TRMT11: variants seen among roughly 807,000 people sequenced by gnomAD.
The protein encoded by TRMT11 is tRNA methyltransferase 11, also known as tRNA (guanine(10)-N(2))-methyltransferase TRMT11.
In TRMT11, 53 loss-of-function variants were observed where a neutral mutation model predicts 62.8. The observed-to-expected ratio is 0.84, with a 90% CI of 0.68 to 1.06. TRMT11 has a LOEUF of 1.06. TRMT11 is among the 50% of genes least tolerant of loss of function. The probability of loss-of-function intolerance (pLI) is 0.00; values close to 1 mark genes in which losing one functional copy is unlikely to be tolerated. For missense variants in TRMT11, 556 were observed against 553.4 expected (o/e 1.00, Z -0.05); for synonymous variants, 188 against 190.3 (o/e 0.99, Z 0.10).
chr6:126,057,353 G>C (rs1433463348), intron 17 of TRMT11, among the ~76,000 whole-genome samples: 1 of 152,184 alleles, frequency 6.6e-6, no homozygotes, highest in Non-Finnish European at 1.5e-5. Flanking sequence ...CTCTGTATTA[G>C]GGAAAAGTCA....
intron 17 of TRMT11, among the ~76,000 whole-genome samples, chr6:126,108,271 T>C (rs1167429527): frequency 1.3e-5 from 2 of 152,236 alleles, no homozygotes; most frequent in Non-Finnish European, 2.9e-5. Flanking sequence ...GGGCATTTCT[T>C]ACTTCAGTCA....
chr6:126,014,175 G>A (rs1017406480), intron 11 of TRMT11, among the ~76,000 whole-genome samples: 1 of 152,076 alleles, frequency 6.6e-6, no homozygotes, highest in Non-Finnish European at 1.5e-5. Context: ...AGCTCAGTAG[G>A]TTATTTCTTC....
chr6:126,127,674 GC>G (rs1325443003), intron 21 of TRMT11, among the ~76,000 whole-genome samples: 2 of 126,956 alleles, frequency 1.6e-5, no homozygotes, highest in Non-Finnish European at 3.2e-5. Flanking sequence ...CCCACGACAG[GC>G]CCCGGTGTGT....
chr6:126,002,902 A>C (rs746744802), intron 7 of TRMT11, among the ~76,000 whole-genome samples: 1 of 152,094 alleles, frequency 6.6e-6, no homozygotes, highest in Non-Finnish European at 1.5e-5. Context: ...TTTCTTACAC[A>C]AAAGGTATCA....
chr6:126,151,846 C>CTTTCTTTCT, intron 21 of TRMT11, among the ~76,000 whole-genome samples: 1 of 130,670 alleles, frequency 7.7e-6, no homozygotes, highest in East Asian at 2.2e-4. Context: ...TTCTTTCTTT[C>CTTTCTTTCT]TTTCTTTCTT....
intron 3 of TRMT11, 125 bp downstream of exon 3, chr6:125,996,165 C>T (rs1791474042): frequency 3.4e-6 from 2 of 595,590 alleles, no homozygotes; most frequent in Non-Finnish European, 5.8e-6. Flanking sequence ...ACAACTGCCA[C>T]TGGGTGGCGG....
intron 21 of TRMT11, among the ~76,000 whole-genome samples, chr6:126,154,359 G>A (rs923126588): frequency 1.3e-5 from 2 of 152,014 alleles, no homozygotes; most frequent in African/African-American, 4.8e-5. Context: ...GTGTGTGTGT[G>A]TGTGTCTGTA....
At chr6:126,171,741 A>G (rs955309785) in intron 21 of TRMT11, among the ~76,000 whole-genome samples, 7 of 152,016 alleles carry the variant, frequency 4.6e-5, no homozygotes, top group African/African-American at 1.4e-4. Flanking sequence ...TTTAAGAGAG[A>G]GAGTTTCGCT....
intron 12 of TRMT11, among the ~76,000 whole-genome samples, chr6:126,022,804 T>C (rs1796021660): frequency 6.6e-6 from 1 of 152,230 alleles, no homozygotes; most frequent in Non-Finnish European, 1.5e-5. Flanking sequence ...GGTATACGTG[T>C]ACATACATAT....
intron 1 of TRMT11, among the ~76,000 whole-genome samples, chr6:125,993,061 A>C (rs1442567080): frequency 6.6e-6 from 1 of 152,164 alleles, no homozygotes; most frequent in Non-Finnish European, 1.5e-5. Flanking sequence ...GGTAGCCAGC[A>C]GTGGAACACT....
chr6:126,085,131 T>C (rs1777200056), intron 17 of TRMT11, among the ~76,000 whole-genome samples: 1 of 152,156 alleles, frequency 6.6e-6, no homozygotes, highest in Non-Finnish European at 1.5e-5. Context: ...GGTATGCTAA[T>C]TAGCTTGATT....
chr6:126,089,945 A>G (rs1272480146), intron 17 of TRMT11, among the ~76,000 whole-genome samples: 1 of 152,224 alleles, frequency 6.6e-6, no homozygotes, highest in Non-Finnish European at 1.5e-5. Context: ...CTTAAATCCA[A>G]TGACAGTTCA....
At chr6:126,043,460 A>G (rs1775945232), downstream of TRMT11, among the ~76,000 whole-genome samples, 3 of 150,312 alleles carry the variant, frequency 2.0e-5, no homozygotes, top group Admixed American at 2.0e-4. Context: ...TCATTGTTGG[A>G]CATTTGGGTT....
chr6:126,093,232 C>T (rs1302280008), intron 17 of TRMT11, among the ~76,000 whole-genome samples: 1 of 151,850 alleles, frequency 6.6e-6, no homozygotes, highest in East Asian at 1.9e-4. Context: ...AAACAAATAA[C>T]AAATTGGTAG....
intron 21 of TRMT11, among the ~76,000 whole-genome samples, chr6:126,167,426 A>G (rs1583896485): frequency 6.6e-6 from 1 of 152,066 alleles, no homozygotes. Context: ...GCTTCTGCTC[A>G]CCCTCCATGG....
chr6:126,245,579 T>C, the TRMT11 span, among the ~76,000 whole-genome samples: 1 of 152,268 alleles, frequency 6.6e-6, no homozygotes, highest in Admixed American at 6.5e-5. Context: ...TGCACTTGCA[T>C]TGGTAGCCAA....
chr6:126,184,494 A>G (rs1477457115), intron 1 of TRMT11, among the ~76,000 whole-genome samples: 1 of 152,154 alleles, frequency 6.6e-6, no homozygotes, highest in Non-Finnish European at 1.5e-5. Flanking sequence ...TATTGTTATT[A>G]TTTATTTGAA....
chr6:126,198,297 C>G (rs1263194655), intron 1 of TRMT11, among the ~76,000 whole-genome samples: 3 of 152,096 alleles, frequency 2.0e-5, no homozygotes, highest in Admixed American at 1.3e-4. Flanking sequence ...AGGGAAAAAA[C>G]AAGCATAAGA....
At chr6:126,137,636 G>A (rs1777867320) in intron 21 of TRMT11, among the ~76,000 whole-genome samples, 1 of 151,786 alleles carries the variant, frequency 6.6e-6, no homozygotes. Context: ...CAAAAGAGAG[G>A]AAATAAGTAT....
Sources: gnomAD v4.1 joint callset for allele counts (sites outside exome capture counted in the v4.1 genomes callset) on GRCh38, gnomAD v4.1.1 for gene constraint, MANE v1.5 for transcripts, NCBI Gene and HGNC (gene_info 2026-07-23, HGNC 2026-07-21) for gene names.